The following TTN variants were observed in gnomAD, a reference collection of about 807,000 sequenced individuals.
TTN encodes the protein connectin.
In TTN, 1,525 loss-of-function variants were observed where a neutral mutation model predicts 3,223.0. That is an observed-to-expected ratio of 0.47 (90% confidence interval 0.45 to 0.49). The LOEUF is 0.49. TTN is among the 20% of genes least tolerant of loss of function. TTN has a pLI of 0.00. For missense variants in TTN, 40,786 were observed against 43,424.0 expected (o/e 0.94, Z 5.40); for synonymous variants, 14,094 against 15,161.0 (o/e 0.93, Z 5.17).
Position 178,689,536 on chromosome 2 carries a change from C to G in TTN, c.31906G>C (p.Glu10636Gln). Residue 10636 changes from glutamate to glutamine, a missense_variant, in exon 123 of 363, where the codon GAG (glutamate) becomes CAG (glutamine). Physicochemically the swap from Glu to Gln is conservative, Grantham distance 29. Coordinates refer to ENST00000589042, the MANE Select transcript of TTN (RefSeq NM_001267550.2). ...EEKITIVTQR[E>Q]ESPPPAVPEI... Reference sequence around the variant, plus strand: ...GTACCTGCTGGTGGTGGAGATTCCTCTCTTTGAGTTACAATGGTTATTTTT... The same window carrying G: ...GTACCTGCTGGTGGTGGAGATTCCTGTCTTTGAGTTACAATGGTTATTTTT... 1 of 1,610,324 alleles carries G rather than the reference C, an allele frequency of 6.2e-7. No homozygotes were observed. Among genetic ancestry groups the G allele is most frequent in the Non-Finnish European group, 8.5e-7 (1 of 1,177,870 alleles).
intron 47 of TTN, chr2:178,747,311 G>T (rs2083944044): frequency 6.2e-7 from 1 of 1,613,362 alleles, no homozygotes; most frequent in Non-Finnish European, 8.5e-7. Context: ...CCCTAAAGGT[G>T]TGGAATATCT....
Position 178,681,697 on chromosome 2 carries a change from G to T in TTN, c.33136C>A (p.Pro11046Thr), listed in dbSNP as rs775021272. 5 of 1,605,362 alleles carry T rather than the reference G, an allele frequency of 3.1e-6. No homozygotes were observed. Among genetic ancestry groups the T allele is most frequent in the Admixed American group, 3.5e-5 (2 of 57,720 alleles). ...PIPVKPVPEE[P>T]VPTKPKAPPA... ...GGGGCCTTTGGTTTTGTGGGAACTG[G>T]TTCTTCTGGGACAGGCTTTACAGGG... Residue 11046 changes from proline (P) to threonine (T), a missense_variant, in exon 136 of 363, where the codon CCA (proline) becomes ACA (threonine). Pro to Thr is a conservative substitution (Grantham distance 38). Coordinates refer to ENST00000589042, the MANE Select transcript of TTN (RefSeq NM_001267550.2).
chr2:178,746,946 T>C, intron 47 of TTN: 4 of 1,613,534 alleles, frequency 2.5e-6, no homozygotes, highest in Non-Finnish European at 3.4e-6. Context: ...CTCTCTTCTG[T>C]AGGTGTGTAG....
chr2:178,607,854 T>TG lies in TTN; in HGVS notation c.52932_52933insC (p.Ser17645GlnfsTer21), dbSNP rs752611209. On this transcript the variant is annotated frameshift_variant, in exon 276 of 363. Coordinates refer to ENST00000589042, the MANE Select transcript of TTN (RefSeq NM_001267550.2). LOFTEE classifies it high-confidence loss of function. Reference sequence around the variant, plus strand: ...CCTTCCCCTGCGGCATTGACAGCACTCACCCGAAGTTTGTAATCAGCACCC... The same window carrying TG: ...CCTTCCCCTGCGGCATTGACAGCACTGCACCCGAAGTTTGTAATCAGCACCC... The TG allele has an allele frequency of 6.2e-7, 1 of 1,613,062 alleles. No homozygotes were observed. Among genetic ancestry groups the TG allele is most frequent in the Non-Finnish European group, 8.5e-7 (1 of 1,179,342 alleles).
In TTN at chr2:178,567,454, C is replaced by T; in HGVS notation, c.78678G>A (p.Glu26226=). The change falls in exon 326 of 363, where the codon GAG becomes GAA. Residue 26226 remains glutamate (E), a synonymous_variant. Coordinates refer to ENST00000589042, the MANE Select transcript of TTN (RefSeq NM_001267550.2). Reference sequence around the variant, plus strand: ...CAATTTCCTTATCTCCTCTTAACCACTCAATGGTAGGTAGGGGCTTTCCAT... The same window carrying T: ...CAATTTCCTTATCTCCTCTTAACCATTCAATGGTAGGTAGGGGCTTTCCAT... The part of the protein sequence containing the change: ...DVHGKPLPTI[E]WLRGDKEIEE... 2 of 1,613,028 alleles carry T rather than the reference C, an allele frequency of 1.2e-6. No individual in the cohort carries two copies. Among genetic ancestry groups the T allele is most frequent in the Non-Finnish European group, 1.7e-6 (2 of 1,179,430 alleles).
chr2:178,663,782 AG>A lies in TTN; in HGVS notation c.36448+36del, dbSNP rs2065252465. On this transcript the variant is annotated intron_variant, in intron 170 of 362. Transcript: ENST00000589042. ...TGGAAAAAATATCTTCAAGAGCAAA[AG>A]AATGAGATCTGAAGCCTAAGGTCAG... is the stretch of plus-strand genomic sequence containing the variant. The A allele has an allele frequency of 1.9e-6, 3 of 1,611,788 alleles. No individual in the cohort carries two copies. The East Asian group carries it at 6.7e-5, about 36-fold the overall frequency.
At chr2:178,680,126 A>C in intron 139 of TTN, 71 bp from the exon 140 acceptor site, 2 of 1,586,820 alleles carry the variant, frequency 1.3e-6, no homozygotes, top group Non-Finnish European at 1.7e-6. Context: ...TTAGAAACAC[A>C]GGCCCATTTA....
chr2:178,741,370 C>G lies in TTN; in HGVS notation c.11863G>C (p.Ala3955Pro). ...CCAACCACTGTGTACTCAAAGATGG[C>G]AGGAAGCCCTTGAGCACAGCGAATT... ...KPIRCAQGLP[A>P]IFEYTVVGEP... The change falls in exon 48 of 363, where the codon GCC becomes CCC. Residue 3955 changes from alanine (A) to proline (P), a missense_variant. Ala to Pro is a conservative substitution (Grantham distance 27). Transcript: ENST00000589042. 1 of 1,613,872 alleles carries G rather than the reference C, an allele frequency of 6.2e-7. No homozygotes were observed.
chr2:178,726,301 C>T, intron 69 of TTN: 1 of 330,346 alleles, frequency 3.0e-6, no homozygotes, highest in South Asian at 1.3e-4. Context: ...CTACACCTTA[C>T]TGATGTATCT....
rs769097181 is a variant in TTN at position 178,591,463 on chromosome 2, G to C, written c.60262C>G (p.Leu20088Val). 1.6e-5 allele frequency: 26 copies of C among 1,589,282 alleles called. No individual in the cohort carries two copies. The South Asian group carries it at 3.0e-4, about 18-fold the overall frequency. ...ACTGTGGTTCCAGCCTTTACCACAA[G>C]ACCTTCAATTAATTTCACATCTAGC... ...VELDVKLIEG[L>V]VVKAGTTVRF... Residue 20088 changes from leucine to valine, a missense_variant, in exon 304 of 363, where the codon CTT becomes GTT. Coordinates refer to ENST00000589042, the MANE Select transcript of TTN (RefSeq NM_001267550.2).
chr2:178,785,982 C>G lies in TTN; in HGVS notation c.2236G>C (p.Val746Leu). 6.2e-7 allele frequency: 1 copy of G among 1,614,054 alleles called. No homozygotes were observed. The highest frequency in any genetic ancestry group is 8.5e-7 in the Non-Finnish European group (1 of 1,179,978). ...GCTGGACGTTGGGGAGGCTCAGCTA[C>G]CTTTGCGGCGGAAATGCGTTCCTTA... is the stretch of plus-strand genomic sequence containing the variant. ...GYKERISAAK[V>L]AEPPQRPASE... is the part of the protein sequence containing the mutation. Residue 746 changes from valine (V) to leucine (L), a missense_variant, in exon 14 of 363, where the codon GTA (valine) becomes CTA (leucine). Val to Leu is a conservative substitution (Grantham distance 32, BLOSUM62 1). Transcript: ENST00000589042.
intron 242 of TTN, 25 bp from the exon 243 acceptor site, chr2:178,622,792 C>G (rs1285587252): frequency 1.3e-6 from 2 of 1,547,436 alleles, no homozygotes; most frequent in African/African-American, 2.7e-5. Flanking sequence ...CATCAGAATT[C>G]AAAATGAGGT....
At position 178,719,378 on chromosome 2, in the gene TTN, C is replaced by T. The variant is rs879119850; in HGVS notation, c.24012G>A (p.Leu8004=). 2 of 1,613,604 alleles carry T rather than the reference C, an allele frequency of 1.2e-6. No individual in the cohort carries two copies. Among genetic ancestry groups the T allele is most frequent in the African/African-American group, 2.7e-5 (2 of 74,886 alleles). The change falls in exon 83 of 363, where the codon TTG becomes TTA. Residue 8004 remains leucine (L), a synonymous_variant. Coordinates refer to ENST00000589042, the MANE Select transcript of TTN (RefSeq NM_001267550.2). ...GGGCTGAGCCAGAGACTCGGCACTC[C>T]AAAACAACTGAGGCCCCCAGGATGG... is the stretch of plus-strand genomic sequence containing the variant. The part of the protein sequence containing the change: ...VNAILGASVV[L]ECRVSGSAPI...
rs1201377284 is a variant in TTN at position 178,594,464 on chromosome 2, AT to A, written c.58029del (p.Lys19343AsnfsTer7). ...KVTNDNLLSR[K>X]YTVKGLKEGD... Reference sequence around the variant, plus strand: ...CCTTCTTTTAAGCCTTTAACAGTGTATTTTCTGCTAAGCAAGTTGTCATTTG... The same window carrying A: ...CCTTCTTTTAAGCCTTTAACAGTGTATTTCTGCTAAGCAAGTTGTCATTTG... On this transcript the variant is annotated frameshift_variant, in exon 296 of 363. Coordinates refer to ENST00000589042, the MANE Select transcript of TTN (RefSeq NM_001267550.2). LOFTEE classifies it high-confidence loss of function. The A allele has an allele frequency of 6.2e-7, 1 of 1,613,270 alleles. No individual in the cohort carries two copies. The highest frequency in any genetic ancestry group is 1.7e-5 in the Admixed American group (1 of 59,946).
In TTN at chr2:178,616,717, T is replaced by C; in HGVS notation, c.48160+12A>G. 1 of 1,612,288 alleles carries C rather than the reference T, an allele frequency of 6.2e-7. No individual in the cohort carries two copies. The highest frequency in any genetic ancestry group is 8.5e-7 in the Non-Finnish European group (1 of 1,179,068). On this transcript the variant is annotated intron_variant, in intron 256 of 362. Coordinates refer to ENST00000589042, the MANE Select transcript of TTN (RefSeq NM_001267550.2). ...CCAAATCACCTTAGATGATAAATGTTTTGTTCCTTACCAATTACATTGACA... is the reference window on the plus strand; with the variant it reads ...CCAAATCACCTTAGATGATAAATGTCTTGTTCCTTACCAATTACATTGACA...
chr2:178,706,624 T>G lies in TTN; in HGVS notation c.29250A>C (p.Lys9750Asn). ...NQGGRVFIHQ[K>N]GDEAKLEIRD... is the part of the protein sequence containing the mutation. ...TAATCTCCAGTTTTGCTTCATCGCC[T>G]TTTTGGTGGATGAAAACACGACCTC... Residue 9750 changes from lysine (K) to asparagine (N), a missense_variant, in exon 102 of 363, where the codon AAA becomes AAC. Transcript: ENST00000589042. 1 of 1,613,934 alleles carries G rather than the reference T, an allele frequency of 6.2e-7. No individual in the cohort carries two copies. The highest frequency in any genetic ancestry group is 8.5e-7 in the Non-Finnish European group (1 of 1,179,834).
chr2:178,594,695 G>A (rs758111018), intron 295 of TTN, 49 bp from the exon 296 acceptor site: 1 of 1,435,998 alleles, frequency 7.0e-7, no homozygotes, highest in African/African-American at 1.4e-5. Context: ...GTCACATTAA[G>A]AATGTAGTAG....
In TTN at chr2:178,768,880, T is replaced by C; in HGVS notation, c.8956A>G (p.Ile2986Val). 6.2e-7 allele frequency: 1 copy of C among 1,614,062 alleles called. No homozygotes were observed. Among genetic ancestry groups the C allele is most frequent in the Admixed American group, 1.7e-5 (1 of 60,016 alleles). Residue 2986 changes from isoleucine to valine, a missense_variant, in exon 38 of 363, where the codon ATT (isoleucine) becomes GTT (valine). Coordinates refer to ENST00000589042, the MANE Select transcript of TTN (RefSeq NM_001267550.2). ...KDINAEEKDT[I>V]TFEVTVNYEG... ...TAGTTCACTGTCACCTCAAAAGTAA[T>C]AGTGTCTTTTTCTTCAGCGTTGATG... is the stretch of plus-strand genomic sequence containing the variant.
intron 343 of TTN, 59 bp from the exon 344 acceptor site, chr2:178,545,752 C>T: frequency 6.3e-7 from 1 of 1,596,274 alleles, no homozygotes; most frequent in South Asian, 1.1e-5. Context: ...TAAGACTGCC[C>T]TTCTCCCTTC....
Sources: gnomAD v4.1 joint callset for allele counts on GRCh38, gnomAD v4.1.1 for gene constraint, MANE v1.5 for transcripts, NCBI Gene and HGNC (gene_info 2026-07-23, HGNC 2026-07-21) for gene names.